Variants in CSMD1 observed in about 807,000 individuals in gnomAD.
The protein encoded by CSMD1 is CUB and sushi domain-containing protein 1.
CSMD1 carries 213 observed loss-of-function variants against 417.5 expected under a neutral mutation model. The ratio of observed to expected loss-of-function variants is 0.51; its 90% CI spans 0.46 to 0.57. CSMD1 has a LOEUF of 0.57. Ranked by LOEUF, CSMD1 falls within the 20% of genes least tolerant of loss-of-function variation. The pLI is 0.00. For missense variants in CSMD1, 6,923 were observed against 4,529.7 expected (o/e 1.53, Z -15.17); for synonymous variants, 2,862 against 1,736.8 (o/e 1.65, Z -16.11).
intron 1 of CSMD1, among the ~76,000 whole-genome samples, chr8:4,661,407 G>A (rs1438841780): frequency 6.6e-6 from 1 of 152,162 alleles, no homozygotes. Context: ...TATGCTATAG[G>A]ATTCGATTTT....
intron 17 of CSMD1, among the ~76,000 whole-genome samples, chr8:3,392,260 AAAT>A (rs1563340558): frequency 6.6e-6 from 1 of 152,166 alleles, no homozygotes; most frequent in East Asian, 1.9e-4. Flanking sequence ...TATAATAAAA[AAAT>A]AAAATAAATA....
intron 6 of CSMD1, among the ~76,000 whole-genome samples, chr8:3,746,326 T>C (rs770749950): frequency 9.2e-5 from 14 of 152,238 alleles, no homozygotes; most frequent in Non-Finnish European, 1.3e-4. Context: ...ACTTAAAATC[T>C]ACCAGTCACT....
intron 1 of CSMD1, among the ~76,000 whole-genome samples, chr8:4,670,609 T>C (rs187124938): frequency 3.3e-5 from 5 of 152,312 alleles, no homozygotes; most frequent in African/African-American, 7.2e-5. Flanking sequence ...CTGTATGACA[T>C]GCATTTTGAT....
intron 7 of CSMD1, among the ~76,000 whole-genome samples, chr8:3,699,107 G>C (rs1232593647): frequency 2.6e-5 from 4 of 152,218 alleles, no homozygotes; most frequent in African/African-American, 4.8e-5. Flanking sequence ...CTTCCTAAAA[G>C]CAAGCATGTC....
intron 3 of CSMD1, among the ~76,000 whole-genome samples, chr8:4,377,820 G>A (rs145296848): frequency 2.0e-5 from 3 of 152,268 alleles, no homozygotes; most frequent in East Asian, 1.9e-4. Context: ...TTAGCTTTGT[G>A]TATAAATATT....
At chr8:4,324,194 A>G (rs2036547) in intron 3 of CSMD1, among the ~76,000 whole-genome samples, 59,907 of 152,174 alleles carry the variant, frequency 0.39, 13,280 homozygotes, top group East Asian at 0.66. Context: ...AGAACAAAGT[A>G]AACTGTGTCA....
intron 5 of CSMD1, among the ~76,000 whole-genome samples, chr8:3,842,845 A>G (rs968054572): frequency 1.3e-5 from 2 of 152,164 alleles, no homozygotes; most frequent in African/African-American, 4.8e-5. Flanking sequence ...GCTACAATAA[A>G]TGGGAATATA....
chr8:3,944,946 C>G (rs2129805322), intron 5 of CSMD1, among the ~76,000 whole-genome samples: 1 of 152,292 alleles, frequency 6.6e-6, no homozygotes, highest in South Asian at 2.1e-4. Context: ...TATTCTTCGA[C>G]ATTACAAGGA....
chr8:3,756,989 C>G (rs570908887), intron 5 of CSMD1, among the ~76,000 whole-genome samples: 2 of 152,174 alleles, frequency 1.3e-5, no homozygotes, highest in South Asian at 4.2e-4. Flanking sequence ...TTTGTAGAGA[C>G]TGGGGGTCTC....
intron 1 of CSMD1, among the ~76,000 whole-genome samples, chr8:4,653,013 G>C (rs1359210561): frequency 6.6e-6 from 1 of 152,142 alleles, no homozygotes; most frequent in Middle Eastern, 3.4e-3. Flanking sequence ...GTGTGGTCCG[G>C]TTCCTAACAG....
chr8:3,502,281 C>T (rs937605350), intron 10 of CSMD1, among the ~76,000 whole-genome samples: 10 of 147,882 alleles, frequency 6.8e-5, no homozygotes, highest in South Asian at 2.1e-4. Flanking sequence ...AGGAGACTGA[C>T]GCGAACCCAG....
At chr8:4,155,934 G>C (rs1796811022) in intron 3 of CSMD1, among the ~76,000 whole-genome samples, 1 of 152,144 alleles carries the variant, frequency 6.6e-6, no homozygotes, top group African/African-American at 2.4e-5. Flanking sequence ...GCACAGCCCA[G>C]GTGTTCTGCA....
intron 1 of CSMD1, among the ~76,000 whole-genome samples, chr8:4,898,945 T>A (rs568059782): frequency 6.6e-6 from 1 of 152,268 alleles, no homozygotes; most frequent in East Asian, 1.9e-4. Context: ...TATTCTGAGA[T>A]TACAGTTATA....
chr8:3,680,480 A>G (rs978442871), intron 7 of CSMD1, among the ~76,000 whole-genome samples: 17 of 152,226 alleles, frequency 1.1e-4, no homozygotes, highest in Admixed American at 1.0e-3. Flanking sequence ...TCCCAAGACT[A>G]AACCAGGAAG....
chr8:4,702,311 C>T (rs1440965723), intron 1 of CSMD1, among the ~76,000 whole-genome samples: 5 of 152,132 alleles, frequency 3.3e-5, no homozygotes, highest in Non-Finnish European at 7.4e-5. Context: ...ACCTGCATGG[C>T]CATGGGCCTC....
chr8:4,119,295 C>G (rs933849777), intron 3 of CSMD1, among the ~76,000 whole-genome samples: 16 of 152,120 alleles, frequency 1.1e-4, no homozygotes, highest in Admixed American at 9.2e-4. Flanking sequence ...CAACCCAAAT[C>G]TAAATGTCAA....
chr8:3,111,958 A>T (rs1816546621), intron 42 of CSMD1, among the ~76,000 whole-genome samples: 1 of 151,630 alleles, frequency 6.6e-6, no homozygotes, highest in Admixed American at 6.6e-5. Context: ...CTTTTCTTCT[A>T]TTTTTCTGCC....
At chr8:3,297,544 G>C (rs1182850122) in intron 25 of CSMD1, among the ~76,000 whole-genome samples, 2 of 152,214 alleles carry the variant, frequency 1.3e-5, no homozygotes, top group South Asian at 2.1e-4. Flanking sequence ...TTACTAATTT[G>C]TACTATAGTG....
intron 1 of CSMD1, among the ~76,000 whole-genome samples, chr8:4,827,464 G>C (rs544605785): frequency 2.3e-4 from 35 of 152,284 alleles, no homozygotes; most frequent in African/African-American, 8.2e-4. Flanking sequence ...TCTTCAGCAA[G>C]TCAAAACAAA....
Sources: allele counts gnomAD v4.1 joint callset (sites outside exome capture counted in the v4.1 genomes callset), GRCh38; gene constraint gnomAD v4.1.1; transcripts MANE v1.5; gene names NCBI Gene and HGNC (gene_info 2026-07-23, HGNC 2026-07-21).